Variants in EFNA2 observed in about 807,000 individuals in gnomAD.
EFNA2 encodes the protein ephrin A2, also known as ephrin-A2.
A neutral mutation model predicts 19.7 loss-of-function variants in EFNA2; 18 were observed. That is an observed-to-expected ratio of 0.91 (90% CI 0.63 to 1.35). The LOEUF (loss-of-function observed/expected upper bound fraction) is 1.35, where lower values mean the gene tolerates loss of function less well. EFNA2 is among the 40% of genes most tolerant of loss of function. EFNA2 has a pLI of 0.00. For missense variants in EFNA2, 303 were observed against 296.0 expected (o/e 1.02, Z -0.17); for synonymous variants, 187 against 137.8 (o/e 1.36, Z -2.50).
At chr19:1,289,697 G>A (rs2144614115) in intron 1 of EFNA2, among the ~76,000 whole-genome samples, 1 of 152,340 alleles carries the variant, frequency 6.6e-6, no homozygotes, top group African/African-American at 2.4e-5. Context: ...GTGGCCCTCG[G>A]GTGTGGGCAG....
chr19:1,299,074 C>A (rs563468196), intron 3 of EFNA2, among the ~76,000 whole-genome samples: 97 of 152,208 alleles, frequency 6.4e-4, no homozygotes, highest in African/African-American at 2.3e-3. Context: ...CCCATCTCTA[C>A]TAAAAATACA....
At chr19:1,288,090 G>A (rs755631145) in intron 1 of EFNA2, among the ~76,000 whole-genome samples, 3 of 152,256 alleles carry the variant, frequency 2.0e-5, no homozygotes, top group Non-Finnish European at 2.9e-5. Flanking sequence ...CCGCAGAGCC[G>A]ACCTGGGCAG....
intron 1 of EFNA2, among the ~76,000 whole-genome samples, chr19:1,291,696 A>G (rs1377969084): frequency 6.6e-6 from 1 of 152,246 alleles, no homozygotes; most frequent in African/African-American, 2.4e-5. Context: ...CCTGGAAGGC[A>G]GCCCAGCCCA....
Position 1,298,609 on chromosome 19 carries a change from G to A in EFNA2, c.513G>A (p.Arg171=), listed in dbSNP as rs987436484. The A allele has an allele frequency of 1.2e-6, 2 of 1,613,760 alleles. No homozygotes were observed. The highest frequency in any genetic ancestry group is 1.7e-5 in the Admixed American group (1 of 59,968). ...RPCLRLKVYV[R]PTNETLYEAP... Reference sequence around the variant, plus strand: ...GCCTGCGACTGAAGGTGTACGTGCGGCCGACCAGTAAGTGCTCAGGGGGAT... The same window carrying A: ...GCCTGCGACTGAAGGTGTACGTGCGACCGACCAGTAAGTGCTCAGGGGGAT... The change falls in exon 3 of 4, where the codon CGG becomes CGA. Residue 171 remains arginine (R), a synonymous_variant. Transcript: ENST00000215368.
Position 1,300,188 on chromosome 19 carries a change from C to G in EFNA2, c.*243C>G. 5.4e-6 allele frequency: 2 copies of G among 370,466 alleles called. No homozygotes were observed. The allele number at this position is 370,466 out of a possible 1,614,324, so 22.9% of individuals were successfully genotyped here. ...GAGGGGCCGGGGTGTGGATGCGGAC[C>G]GTGGCCAGGCCATCTCCTCTGGGGC... is the stretch of plus-strand genomic sequence containing the variant. On this transcript the variant is annotated 3_prime_UTR_variant, in exon 4 of 4. Coordinates refer to ENST00000215368, the MANE Select transcript of EFNA2 (RefSeq NM_001405.4).
intron 1 of EFNA2, among the ~76,000 whole-genome samples, chr19:1,288,160 A>T (rs1370155351): frequency 6.6e-6 from 1 of 152,238 alleles, no homozygotes; most frequent in Non-Finnish European, 1.5e-5. Flanking sequence ...CTGGGGACGG[A>T]GCCGACACCC....
rs1394469896 is a variant in EFNA2, at chr19:1,286,472, C to A, written c.140+164C>A. Among the ~76,000 whole-genome samples the A allele has an allele frequency of 1.3e-5, 2 of 151,268 alleles. No individual in the cohort carries two copies. The highest frequency in any genetic ancestry group is 4.8e-5 in the African/African-American group (2 of 41,300). On this transcript the variant is annotated intron_variant, in intron 1 of 3. Coordinates refer to ENST00000215368, the MANE Select transcript of EFNA2 (RefSeq NM_001405.4). This position sits in a 1 kb window ranked among gnomAD's most constrained non-coding sequence, Gnocchi z 5.6. ...AGCCCCCCAGGGAGCTCCGGCCCCC[C>A]GGAGTTTGGGGGACTCGCCCTTTTC...
Position 1,298,939 on chromosome 19 carries a change from T to C in EFNA2, c.520+323T>C, listed in dbSNP as rs184207710. Among the ~76,000 whole-genome samples, 41 of 151,970 alleles carry C rather than the reference T, an allele frequency of 2.7e-4. No individual in the cohort carries two copies. In the East Asian group the frequency reaches 7.6e-3, roughly 28 times the overall value. On this transcript the variant is annotated intron_variant, in intron 3 of 3. Transcript: ENST00000215368. ...CAGCCTGGGTGACAGAGCAAGACTC[T>C]GTCTCTAAAAAACAAAGCAGGCCGG... is the stretch of plus-strand genomic sequence containing the variant.
At chr19:1,291,013 G>A (rs1337697040) in intron 1 of EFNA2, among the ~76,000 whole-genome samples, 1 of 152,158 alleles carries the variant, frequency 6.6e-6, no homozygotes, top group East Asian at 1.9e-4. Context: ...CACCTGCCCT[G>A]TGGGTCAGGG....
upstream of EFNA2, among the ~76,000 whole-genome samples, chr19:1,285,726 G>A (rs1409196707): frequency 6.6e-6 from 1 of 150,918 alleles, no homozygotes; most frequent in Non-Finnish European, 1.5e-5. This position sits in a 1 kb window ranked among gnomAD's most constrained non-coding sequence, Gnocchi z 4.1. Context: ...GTCGCTGGGG[G>A]CAGGCCCCGG....
intron 1 of EFNA2, among the ~76,000 whole-genome samples, chr19:1,292,935 T>C (rs1029875220): frequency 6.6e-6 from 1 of 151,816 alleles, no homozygotes; most frequent in African/African-American, 2.4e-5. Context: ...GTGTCAGACG[T>C]GGGGGAAGGA....
intron 1 of EFNA2, among the ~76,000 whole-genome samples, chr19:1,293,639 C>T (rs575389157): frequency 7.0e-6 from 1 of 143,464 alleles, no homozygotes; most frequent in Non-Finnish European, 1.5e-5. Flanking sequence ...CTGCAACACG[C>T]CCTCCCATGT....
rs1254093530 is a variant in EFNA2, at chr19:1,296,036, G to T, written c.454+178G>T. On this transcript the variant is annotated intron_variant, in intron 2 of 3. Transcript: ENST00000215368. This position sits in a 1 kb window ranked among gnomAD's most constrained non-coding sequence, Gnocchi z 4.4. ...CGGGGCCGCGGAATGGGGCCAGGGGGGAGTGGGCGGGGCCGCGGAGTGGGG... is the reference window on the plus strand; with the variant it reads ...CGGGGCCGCGGAATGGGGCCAGGGGTGAGTGGGCGGGGCCGCGGAGTGGGG... 6.8e-6 allele frequency among the ~76,000 whole-genome samples: 1 copy of T among 146,244 alleles called. No individual in the cohort carries two copies. The highest frequency in any genetic ancestry group is 1.5e-5 in the Non-Finnish European group (1 of 65,856).
At position 1,300,287 on chromosome 19, in the gene EFNA2, TC is replaced by T. The variant is rs2081536393; in HGVS notation, c.*343del. 1 of 178,718 alleles carries T rather than the reference TC, an allele frequency of 5.6e-6. No individual in the cohort carries two copies. Among genetic ancestry groups the T allele is most frequent in the Non-Finnish European group, 1.1e-5 (1 of 89,170 alleles). 11.1% of individuals were successfully genotyped at this position (178,718 alleles called of 1,614,324 possible). On this transcript the variant is annotated 3_prime_UTR_variant, in exon 4 of 4. Coordinates refer to ENST00000215368, the MANE Select transcript of EFNA2 (RefSeq NM_001405.4). ...TTTTTTTTTTTTTTTAGTGTATTTT[TC>T]GTGGTTGGATCAAAAAGACTTGAGT... is the stretch of plus-strand genomic sequence containing the variant.
rs889135803 is a variant in EFNA2 at position 1,300,770 on chromosome 19, A to C, written c.*825A>C. Among the ~76,000 whole-genome samples, 1 of 152,130 alleles carries C rather than the reference A, an allele frequency of 6.6e-6. No individual in the cohort carries two copies. Among genetic ancestry groups the C allele is most frequent in the African/African-American group, 2.4e-5 (1 of 41,414 alleles). ...CGGAATCACAGTCCCGCCGTGTCTT[A>C]GAAACTGCTTTGGCCGATGCAAACA... On this transcript the variant is annotated 3_prime_UTR_variant, in exon 4 of 4. Coordinates refer to ENST00000215368, the MANE Select transcript of EFNA2 (RefSeq NM_001405.4).
Position 1,297,608 on chromosome 19 carries a change from CT to C in EFNA2, c.455-942del, listed in dbSNP as rs949851748. On this transcript the variant is annotated intron_variant, in intron 2 of 3. Transcript: ENST00000215368. The surrounding 1 kb of genome is among the most constrained non-coding windows in gnomAD (Gnocchi z 5.0). Reference sequence around the variant, plus strand: ...TGTGTGCGTGCACATGGACCCACCCCTGTTCGATTGTCCACACGTGTGCACA... The same window carrying C: ...TGTGTGCGTGCACATGGACCCACCCCGTTCGATTGTCCACACGTGTGCACA... 2.0e-5 allele frequency among the ~76,000 whole-genome samples: 3 copies of C among 152,066 alleles called. No individual in the cohort carries two copies. The highest frequency in any genetic ancestry group is 7.2e-5 in the African/African-American group (3 of 41,406).
At chr19:1,285,734 C>T (rs1255494062), upstream of EFNA2, among the ~76,000 whole-genome samples, 2 of 146,674 alleles carry the variant, frequency 1.4e-5, no homozygotes, top group Non-Finnish European at 3.0e-5. The surrounding 1 kb of genome is among the most constrained non-coding windows in gnomAD (Gnocchi z 4.1). Context: ...GGGCAGGCCC[C>T]GGGGGACGAG....
rs570247122 is a variant in EFNA2 at position 1,291,180 on chromosome 19, G to A, written c.141-4365G>A. Among the ~76,000 whole-genome samples, 270 of 152,298 alleles carry A rather than the reference G, an allele frequency of 1.8e-3. 2 individuals are homozygous for A. Among genetic ancestry groups the A allele is most frequent in the African/African-American group, 6.3e-3 (263 of 41,574 alleles). On this transcript the variant is annotated intron_variant, in intron 1 of 3. Transcript: ENST00000215368. ...AGGGGCAGGAAGGTGGGTGGCCGAC[G>A]GCAGCTGCACTCTGTACCAGGGCCA... is the stretch of plus-strand genomic sequence containing the variant.
rs1393175979 is a variant in EFNA2, at chr19:1,287,860, G to A, written c.140+1552G>A. ...TGGCCTGTCCTTTGTTCTAGCAAAC[G>A]CCAAACACACGAGGACCCGGCAACC... On this transcript the variant is annotated intron_variant, in intron 1 of 3. Transcript: ENST00000215368. The surrounding 1 kb of genome is among the most constrained non-coding windows in gnomAD (Gnocchi z 6.2). 6.6e-6 allele frequency among the ~76,000 whole-genome samples: 1 copy of A among 152,244 alleles called. No individual in the cohort carries two copies. The highest frequency in any genetic ancestry group is 6.5e-5 in the Admixed American group (1 of 15,292).
Sources: gnomAD v4.1 joint callset for allele counts (sites outside exome capture counted in the v4.1 genomes callset) on GRCh38, gnomAD v4.1.1 for gene constraint, Gnocchi (gnomAD v3.1) non-coding constraint, MANE v1.5 for transcripts, NCBI Gene and HGNC (gene_info 2026-07-23, HGNC 2026-07-21) for gene names.